KLHL6: variants seen among roughly 807,000 people sequenced by gnomAD.
KLHL6 encodes kelch-like protein 6.
In KLHL6, 41 loss-of-function variants were observed where a neutral mutation model predicts 58.6. That is an observed-to-expected ratio of 0.70 (90% CI 0.55 to 0.91). The LOEUF is 0.91. Among genes scored for constraint, KLHL6 ranks in the 40% least tolerant of loss-of-function variants. KLHL6 has a pLI of 0.00. For missense variants in KLHL6, 714 were observed against 805.6 expected, an observed-to-expected ratio of 0.89 and a Z score of 1.38; for synonymous variants, 338 against 322.7, an observed-to-expected ratio of 1.05 and a Z score of -0.51.
At chr3:183,528,154 G>T in intron 1 of KLHL6, 144 bp from the exon 2 acceptor site, 1 of 820,422 alleles carries the variant, frequency 1.2e-6, no homozygotes, top group Non-Finnish European at 2.0e-6. Flanking sequence ...CTGTTCTCCA[G>T]CACCCCCTAC....
At position 183,527,977 on chromosome 3, in the gene KLHL6, A is replaced by T; in HGVS notation, c.327T>A (p.Tyr109Ter). ...CCCCTTTAATAATGATCCTTTTCTC[A>T]TACTTTTCCTTTAAATCGTTGCAGA... Reference protein sequence around the residue: ...AMFCNDLKEKYEKRIIIKGVD... With the variant: ...AMFCNDLKEK Residue 109 changes from tyrosine to a stop codon, truncating the protein, a stop_gained, in exon 2 of 7, where the codon TAT becomes TAA. Coordinates refer to ENST00000341319, the MANE Select transcript of KLHL6 (RefSeq NM_130446.4). LOFTEE classifies it high-confidence loss of function. 1 of 1,613,942 alleles carries T rather than the reference A, an allele frequency of 6.2e-7. No homozygotes were observed. The highest frequency in any genetic ancestry group is 1.1e-5 in the South Asian group (1 of 91,066).
In KLHL6 at chr3:183,555,494, G is replaced by A. The variant is rs769476798; in HGVS notation, c.160C>T (p.Leu54Phe). The change falls in exon 1 of 7, where the codon CTC becomes TTC. Residue 54 changes from leucine (L) to phenylalanine (F), a missense_variant. Leu to Phe is a conservative substitution (Grantham distance 22). This residue lies in a region of KLHL6 where 204 missense variants were observed against 175.9 expected (regional missense o/e 1.16). Transcript: ENST00000341319. Reference protein sequence around the residue: ...GEKVKFDDAGLSLILQNGLET... With the variant: ...GEKVKFDDAGFSLILQNGLET... Reference sequence around the variant, plus strand: ...AGGCCATTCTGAAGAATTAAGGAGAGTCCCGCGTCGTCAAATTTGACCTTT... The same window carrying A: ...AGGCCATTCTGAAGAATTAAGGAGAATCCCGCGTCGTCAAATTTGACCTTT... The A allele has an allele frequency of 6.2e-7, 1 of 1,614,154 alleles. No homozygotes were observed.
chr3:183,552,717 CAAAAAAAAAAA>C (rs1169148282), intron 1 of KLHL6, among the ~76,000 whole-genome samples: 10 of 47,608 alleles, frequency 2.1e-4, no homozygotes, highest in Non-Finnish European at 3.5e-4. Context: ...GACTCCGTCT[CAAAAAAAAAAA>C]AAAAAAAAAA....
chr3:183,553,270 T>C (rs953786947), intron 1 of KLHL6, among the ~76,000 whole-genome samples: 2 of 152,178 alleles, frequency 1.3e-5, no homozygotes, highest in African/African-American at 4.8e-5. Flanking sequence ...TTGCCTCCTC[T>C]GACGACCGGC....
chr3:183,492,073 C>A lies in KLHL6; in HGVS notation c.1720G>T (p.Ala574Ser), dbSNP rs2108662064. The A allele has an allele frequency of 6.2e-7, 1 of 1,613,940 alleles. No homozygotes were observed. Among genetic ancestry groups the A allele is most frequent in the Non-Finnish European group, 8.5e-7 (1 of 1,180,006 alleles). The change falls in exon 7 of 7, where the codon GCC (alanine) becomes TCC (serine). Residue 574 changes from alanine (A) to serine (S), a missense_variant. Physicochemically the swap from Ala to Ser is moderately conservative, Grantham distance 99. Transcript: ENST00000341319. The surrounding 1 kb of genome is among the most constrained non-coding windows in gnomAD (Gnocchi z 5.9). ...GGRDEKNEVI[A>S]TVLCWDPEAQ... ...TCGGGGTCCCAGCACAGCACCGTGG[C>A]GATAACCTCGTTCTTCTCGTCCCGC...
intron 2 of KLHL6, among the ~76,000 whole-genome samples, chr3:183,509,965 A>G (rs1718135290): frequency 6.6e-6 from 1 of 152,212 alleles, no homozygotes; most frequent in Non-Finnish European, 1.5e-5. Context: ...TTGTCATTAA[A>G]AAATCAATTT....
chr3:183,549,275 T>G (rs1712829277), intron 1 of KLHL6, among the ~76,000 whole-genome samples: 1 of 152,256 alleles, frequency 6.6e-6, no homozygotes, highest in South Asian at 2.1e-4. Context: ...GGATTGCTGC[T>G]GCCACAGTGG....
Position 183,494,106 on chromosome 3 carries a change from G to A in KLHL6, c.1323C>T (p.Tyr441=), listed in dbSNP as rs763386266. The change falls in exon 5 of 7, where the codon TAC becomes TAT. Residue 441 remains tyrosine (Y), a synonymous_variant. Coordinates refer to ENST00000341319, the MANE Select transcript of KLHL6 (RefSeq NM_130446.4). The part of the protein sequence containing the change: ...GLQRINNVET[Y]DPFHNCWSEA... ...CTGACCAGCAGTTGTGAAAGGGGTC[G>A]TAGGTCTCCACATTGTTGATTCTCT... 1.9e-5 allele frequency: 31 copies of A among 1,614,018 alleles called. No individual in the cohort carries two copies. The highest frequency in any genetic ancestry group is 2.5e-5 in the Non-Finnish European group (30 of 1,180,030).
chr3:183,494,388 A>C, intron 4 of KLHL6, 107 bp from the exon 5 acceptor site: 1 of 874,822 alleles, frequency 1.1e-6, no homozygotes, highest in African/African-American at 1.7e-5. Flanking sequence ...GGCCAGCCCT[A>C]CCCTGAGGGG....
At chr3:183,498,006 C>T (rs574313387) in intron 4 of KLHL6, among the ~76,000 whole-genome samples, 29 of 152,192 alleles carry the variant, frequency 1.9e-4, no homozygotes, top group Non-Finnish European at 4.1e-4. Flanking sequence ...GAGGCTGAGG[C>T]GGGTGGATCA....
At chr3:183,555,021 G>A (rs983542764) in intron 1 of KLHL6, among the ~76,000 whole-genome samples, 11 of 151,952 alleles carry the variant, frequency 7.2e-5, no homozygotes, top group Non-Finnish European at 1.3e-4. Context: ...AAAATTATCC[G>A]GGTGTTGTGG....
chr3:183,554,156 G>C (rs1026538008), intron 1 of KLHL6, among the ~76,000 whole-genome samples: 4 of 152,050 alleles, frequency 2.6e-5, no homozygotes, highest in African/African-American at 9.7e-5. Flanking sequence ...CTTGCAGGCT[G>C]GTTCCCCCAT....
rs1179299564 is a variant in KLHL6 at position 183,492,032 on chromosome 3, T to C, written c.1761A>G (p.Thr587=). Residue 587 remains threonine, a synonymous_variant, in exon 7 of 7, where the codon ACA becomes ACG. Transcript: ENST00000341319. The surrounding 1 kb of genome is among the most constrained non-coding windows in gnomAD (Gnocchi z 5.9). The stretch of plus-strand genomic sequence containing the variant: ...CGCCCCGGGGCAGGACGCACTCCTC[T>C]GTCAGTTTCTGGGCCTCGGGGTCCC... ...LCWDPEAQKL[T]EECVLPRGVS... The C allele has an allele frequency of 1.9e-6, 3 of 1,613,782 alleles. No individual in the cohort carries two copies. Among genetic ancestry groups the C allele is most frequent in the East Asian group, 2.2e-5 (1 of 44,858 alleles).
intron 1 of KLHL6, among the ~76,000 whole-genome samples, chr3:183,546,891 G>A (rs1477635738): frequency 6.7e-6 from 1 of 148,894 alleles, no homozygotes; most frequent in African/African-American, 2.5e-5. Context: ...AGTCCGGACT[G>A]AAACCCCAGT....
At chr3:183,515,566 A>G (rs889131329) in intron 2 of KLHL6, among the ~76,000 whole-genome samples, 1 of 152,138 alleles carries the variant, frequency 6.6e-6, no homozygotes, top group Non-Finnish European at 1.5e-5. Flanking sequence ...TAAAAATAAA[A>G]AGGAAAAGAA....
chr3:183,528,044 G>A lies in KLHL6; in HGVS notation c.294-34C>T, dbSNP rs760900482. On this transcript the variant is annotated intron_variant, in intron 1 of 6. Coordinates refer to ENST00000341319, the MANE Select transcript of KLHL6 (RefSeq NM_130446.4). ...GAAATGTGTGAATGTGAATCGTGCC[G>A]AGACCCTTGGTTCCAGGCCTAAAGA... 27 of 1,611,960 alleles carry A rather than the reference G, an allele frequency of 1.7e-5. No individual in the cohort carries two copies. In the Admixed American group the frequency reaches 2.7e-4, roughly 16 times the overall value.
chr3:183,518,979 G>T (rs944104957), intron 2 of KLHL6, among the ~76,000 whole-genome samples: 5 of 152,176 alleles, frequency 3.3e-5, no homozygotes. Context: ...CCAGAGTGAG[G>T]GGGATGCTAA....
At chr3:183,496,641 C>T (rs1717719745) in intron 4 of KLHL6, among the ~76,000 whole-genome samples, 1 of 152,136 alleles carries the variant, frequency 6.6e-6, no homozygotes, top group South Asian at 2.1e-4. Context: ...TAATACTGGC[C>T]AACATAATTA....
chr3:183,504,914 G>A (rs1717962497), intron 3 of KLHL6, among the ~76,000 whole-genome samples: 1 of 152,034 alleles, frequency 6.6e-6, no homozygotes. Flanking sequence ...GTGTTCATGT[G>A]TACTCAATGT....
Sources: allele counts gnomAD v4.1 joint callset (sites outside exome capture counted in the v4.1 genomes callset), GRCh38; gene constraint gnomAD v4.1.1; regional missense constraint gnomAD v4.1.1; non-coding constraint Gnocchi (gnomAD v3.1); transcripts MANE v1.5; gene names NCBI Gene and HGNC (gene_info 2026-07-23, HGNC 2026-07-21).